The following PPM1L variants were observed in gnomAD, a reference collection of about 807,000 sequenced individuals.
PPM1L encodes protein phosphatase 1L.
Under a neutral mutation model 31.4 loss-of-function variants are expected in PPM1L, and 13 were observed. That is an observed-to-expected ratio of 0.41 (90% CI 0.27 to 0.66). PPM1L has a LOEUF of 0.66. Among genes scored for constraint, PPM1L ranks in the 30% least tolerant of loss-of-function variants. The probability of loss-of-function intolerance (pLI) is 0.29; values close to 1 mark genes in which losing one functional copy is unlikely to be tolerated. For missense variants in PPM1L, 326 were observed against 453.7 expected (o/e 0.72, Z 2.56); for synonymous variants, 184 against 175.4 (o/e 1.05, Z -0.39).
At chr3:161,056,138 C>G (rs980614775) in intron 2 of PPM1L, among the ~76,000 whole-genome samples, 3 of 152,010 alleles carry the variant, frequency 2.0e-5, no homozygotes, top group African/African-American at 7.2e-5. Flanking sequence ...TAATTGGCAC[C>G]CAAGGCAGAA....
chr3:160,881,761 A>G (rs1459652960), intron 1 of PPM1L, among the ~76,000 whole-genome samples: 1 of 152,140 alleles, frequency 6.6e-6, no homozygotes, highest in African/African-American at 2.4e-5. Flanking sequence ...AGTAAGAGGT[A>G]TGTATTCCGG....
intron 2 of PPM1L, among the ~76,000 whole-genome samples, chr3:161,038,113 A>G (rs1349940687): frequency 1.3e-5 from 2 of 150,900 alleles, no homozygotes; most frequent in African/African-American, 2.4e-5. Context: ...GGGCGCCTGT[A>G]GTCCCAGCTA....
intron 2 of PPM1L, among the ~76,000 whole-genome samples, chr3:161,049,243 G>A (rs778517484): frequency 4.6e-5 from 7 of 151,528 alleles, no homozygotes; most frequent in Admixed American, 1.3e-4. Context: ...GTGCCACTGC[G>A]CTCTAGCCTG....
intron 1 of PPM1L, among the ~76,000 whole-genome samples, chr3:160,811,204 T>C (rs1712793201): frequency 6.6e-6 from 1 of 152,260 alleles, no homozygotes; most frequent in African/African-American, 2.4e-5. Flanking sequence ...ACGGGGCCAC[T>C]TTAAGAATGG....
intron 1 of PPM1L, among the ~76,000 whole-genome samples, chr3:160,911,396 G>C (rs925104128): frequency 8.5e-5 from 13 of 152,186 alleles, no homozygotes; most frequent in Non-Finnish European, 1.8e-4. Flanking sequence ...GTTCTGCAGA[G>C]AGTTCTGCAG....
intron 1 of PPM1L, among the ~76,000 whole-genome samples, chr3:160,814,550 C>CACACACATATGTATGTATGTGTATATAT (rs1712913812): frequency 4.9e-5 from 4 of 81,618 alleles, no homozygotes; most frequent in Non-Finnish European, 9.4e-5. Flanking sequence ...TGTATATATA[C>CACACACATATGTATGTATGTGTATATAT]ACACACACAT....
At chr3:161,044,373 T>TTTATTTATTTAC (rs1248784170) in intron 2 of PPM1L, among the ~76,000 whole-genome samples, 1 of 151,030 alleles carries the variant, frequency 6.6e-6, no homozygotes, top group African/African-American at 2.4e-5. Flanking sequence ...TATTTATTTA[T>TTTATTTATTTAC]TTATTTATTT....
intron 2 of PPM1L, among the ~76,000 whole-genome samples, chr3:160,980,195 C>G (rs549723021): frequency 6.6e-6 from 1 of 152,224 alleles, no homozygotes; most frequent in South Asian, 2.1e-4. Flanking sequence ...AGAGCTTGAT[C>G]TTCTTGTGTC....
At chr3:160,818,020 A>T (rs750181989) in intron 1 of PPM1L, among the ~76,000 whole-genome samples, 10 of 152,022 alleles carry the variant, frequency 6.6e-5, no homozygotes, top group Non-Finnish European at 1.5e-4. Context: ...CAGTTAACAG[A>T]TGGAAGGAAA....
intron 1 of PPM1L, among the ~76,000 whole-genome samples, chr3:160,804,209 G>A (rs545972643): frequency 2.0e-5 from 3 of 152,208 alleles, no homozygotes; most frequent in East Asian, 3.9e-4. Context: ...TGGGATTACA[G>A]GCGTGAGCCA....
intron 1 of PPM1L, among the ~76,000 whole-genome samples, chr3:160,919,462 C>T (rs376228060): frequency 2.0e-5 from 3 of 152,188 alleles, no homozygotes; most frequent in African/African-American, 7.2e-5. Flanking sequence ...TATAGGCATG[C>T]GTGGGTGTCA....
chr3:160,948,799 T>G (rs1715487599), intron 1 of PPM1L, among the ~76,000 whole-genome samples: 1 of 152,162 alleles, frequency 6.6e-6, no homozygotes, highest in African/African-American at 2.4e-5. Context: ...TTAAAAATGT[T>G]TACTTGCCAA....
chr3:160,759,214 A>C (rs1258713084), intron 1 of PPM1L, among the ~76,000 whole-genome samples: 3 of 152,162 alleles, frequency 2.0e-5, no homozygotes, highest in African/African-American at 7.2e-5. Context: ...TGAACTTTCT[A>C]TTATTTATGT....
intron 1 of PPM1L, among the ~76,000 whole-genome samples, chr3:160,761,134 A>G (rs1006942400): frequency 1.3e-5 from 2 of 152,216 alleles, no homozygotes; most frequent in Non-Finnish European, 2.9e-5. Flanking sequence ...ATTCCCCAGA[A>G]AAAAGGACAT....
chr3:161,046,080 C>A, intron 2 of PPM1L, among the ~76,000 whole-genome samples: 1 of 121,066 alleles, frequency 8.3e-6, no homozygotes, highest in African/African-American at 3.3e-5. Context: ...CACTGCACTC[C>A]AGCCTGGGTG....
chr3:160,912,532 A>G (rs940081686), intron 1 of PPM1L, among the ~76,000 whole-genome samples: 1 of 152,208 alleles, frequency 6.6e-6, no homozygotes, highest in Admixed American at 6.5e-5. Flanking sequence ...GCAGGGATAA[A>G]GATATTAAGA....
At chr3:160,926,508 G>A (rs2108075711) in intron 1 of PPM1L, among the ~76,000 whole-genome samples, 1 of 152,266 alleles carries the variant, frequency 6.6e-6, no homozygotes, top group Non-Finnish European at 1.5e-5. Context: ...AAGAGTTTAA[G>A]CTTTTTAAAG....
intron 1 of PPM1L, among the ~76,000 whole-genome samples, chr3:160,907,053 A>G (rs757097934): frequency 1.3e-5 from 2 of 152,232 alleles, no homozygotes; most frequent in Non-Finnish European, 2.9e-5. Flanking sequence ...AAGCAATTAC[A>G]TAAATAGCAG....
intron 1 of PPM1L, among the ~76,000 whole-genome samples, chr3:160,944,884 A>AT (rs1559897303): frequency 2.3e-3 from 58 of 25,646 alleles, no homozygotes; most frequent in African/African-American, 5.5e-3. Context: ...TATAACATAT[A>AT]TATTATATAT....
Sources: allele counts gnomAD v4.1 joint callset (sites outside exome capture counted in the v4.1 genomes callset), GRCh38; gene constraint gnomAD v4.1.1; transcripts MANE v1.5; gene names NCBI Gene and HGNC (gene_info 2026-07-23, HGNC 2026-07-21).